Variants in AGBL4 observed in about 807,000 individuals in gnomAD.
The protein encoded by AGBL4 is AGBL carboxypeptidase 4.
In AGBL4, 58 loss-of-function variants were observed where a neutral mutation model predicts 66.4. That is an observed-to-expected ratio of 0.87 (90% CI 0.71 to 1.09). The LOEUF (loss-of-function observed/expected upper bound fraction) is 1.09, where lower values mean the gene tolerates loss of function less well. Ranked by LOEUF, AGBL4 falls within the 50% of genes least tolerant of loss-of-function variation. The pLI is 0.00. For synonymous variants in AGBL4, 234 were observed against 222.9 expected (o/e 1.05, Z -0.44); for missense variants, 579 against 631.0 (o/e 0.92, Z 0.88).
intron 4 of AGBL4, among the ~76,000 whole-genome samples, chr1:49,060,576 G>C (rs574351150): frequency 1.3e-5 from 2 of 152,098 alleles, no homozygotes; most frequent in Admixed American, 6.5e-5. Flanking sequence ...TTACTAAGAG[G>C]GGGTGGGGGA....
At chr1:49,168,550 G>A (rs1646675348) in intron 4 of AGBL4, among the ~76,000 whole-genome samples, 2 of 152,158 alleles carry the variant, frequency 1.3e-5, no homozygotes, top group Non-Finnish European at 2.9e-5. Context: ...CTTTATGGTG[G>A]GGGTCATGTT....
chr1:48,715,845 A>G (rs553153070), intron 6 of AGBL4, among the ~76,000 whole-genome samples: 1 of 152,350 alleles, frequency 6.6e-6, no homozygotes, highest in Admixed American at 6.5e-5. Flanking sequence ...TTTGGTTATT[A>G]AATTTAATCA....
chr1:49,637,884 T>C (rs1337309872), intron 3 of AGBL4, among the ~76,000 whole-genome samples: 1 of 151,992 alleles, frequency 6.6e-6, no homozygotes, highest in African/African-American at 2.4e-5. Flanking sequence ...CATAATGATA[T>C]AAATGGGCAT....
At chr1:49,935,382 T>C (rs1653868397) in intron 1 of AGBL4, among the ~76,000 whole-genome samples, 1 of 152,244 alleles carries the variant, frequency 6.6e-6, no homozygotes, top group South Asian at 2.1e-4. Flanking sequence ...TGCCTGCCTC[T>C]GTAGGCTCCA....
At chr1:49,951,682 T>TCA (rs1656167840) in intron 1 of AGBL4, among the ~76,000 whole-genome samples, 1 of 151,958 alleles carries the variant, frequency 6.6e-6, no homozygotes, top group African/African-American at 2.4e-5. Context: ...CAAATAAATA[T>TCA]CAATTTCTTT....
At chr1:49,881,415 C>G (rs1449319543) in intron 1 of AGBL4, among the ~76,000 whole-genome samples, 2 of 152,026 alleles carry the variant, frequency 1.3e-5, no homozygotes, top group Admixed American at 1.3e-4. Context: ...AATGGGATGG[C>G]TGGGTCAAAT....
At chr1:48,765,104 T>A (rs1644466222) in intron 6 of AGBL4, among the ~76,000 whole-genome samples, 1 of 151,386 alleles carries the variant, frequency 6.6e-6, no homozygotes, top group Non-Finnish European at 1.5e-5. Flanking sequence ...CAAAGATGCA[T>A]TACACATCTA....
chr1:49,518,337 ACT>A (rs1649996423), intron 3 of AGBL4, among the ~76,000 whole-genome samples: 1 of 151,944 alleles, frequency 6.6e-6, no homozygotes, highest in Admixed American at 6.6e-5. Flanking sequence ...AAGACCTGTG[ACT>A]CTATGACACC....
chr1:48,679,874 G>A (rs1017573477), intron 6 of AGBL4, among the ~76,000 whole-genome samples: 15 of 152,222 alleles, frequency 9.9e-5, no homozygotes, highest in Non-Finnish European at 1.8e-4. Context: ...GATCTCTGCG[G>A]CCAGAGGCCG....
chr1:49,496,591 T>C (rs1202655648), intron 3 of AGBL4, among the ~76,000 whole-genome samples: 1 of 151,104 alleles, frequency 6.6e-6, no homozygotes, highest in Admixed American at 6.6e-5. Context: ...TTGAATTTTT[T>C]TTAGATTCCA....
intron 1 of AGBL4, chr1:50,017,413 C>T (rs1181592815): frequency 2.6e-5 from 4 of 152,174 alleles, no homozygotes; most frequent in East Asian, 1.9e-4. Context: ...CATGAACATC[C>T]GCCTATCTAT....
At chr1:48,524,542 A>T in the AGBL4 span, among the ~76,000 whole-genome samples, 1 of 152,168 alleles carries the variant, frequency 6.6e-6, no homozygotes, top group Admixed American at 6.5e-5. Context: ...GCTGGGGCAG[A>T]GGGGTGATCC....
chr1:49,412,648 A>G (rs182477657), intron 3 of AGBL4, among the ~76,000 whole-genome samples: 1 of 152,216 alleles, frequency 6.6e-6, no homozygotes, highest in African/African-American at 2.4e-5. Flanking sequence ...TGTACTCTCC[A>G]CTGGCCAGAA....
intron 9 of AGBL4, among the ~76,000 whole-genome samples, chr1:48,599,160 T>C (rs1557818560): frequency 1.3e-5 from 2 of 152,220 alleles, no homozygotes; most frequent in Non-Finnish European, 2.9e-5. Context: ...TCTCCTATGA[T>C]AACAATCCCT....
chr1:49,813,825 G>T (rs1307051225), intron 2 of AGBL4, among the ~76,000 whole-genome samples: 3 of 152,172 alleles, frequency 2.0e-5, no homozygotes, highest in Admixed American at 6.5e-5. Flanking sequence ...GATATGGTTT[G>T]GCTGTGTCCC....
intron 6 of AGBL4, among the ~76,000 whole-genome samples, chr1:48,779,118 A>T (rs1645223805): frequency 6.6e-6 from 1 of 152,214 alleles, no homozygotes; most frequent in Non-Finnish European, 1.5e-5. Flanking sequence ...AAGACTTCTG[A>T]TAATTCACAA....
chr1:49,972,857 C>A (rs1330866281), intron 1 of AGBL4, among the ~76,000 whole-genome samples: 2 of 152,168 alleles, frequency 1.3e-5, no homozygotes, highest in Non-Finnish European at 2.9e-5. Flanking sequence ...ATATCCCCCA[C>A]AGATAAAGGG....
At chr1:49,871,312 G>C (rs970378816) in intron 1 of AGBL4, among the ~76,000 whole-genome samples, 4 of 151,962 alleles carry the variant, frequency 2.6e-5, no homozygotes, top group African/African-American at 9.7e-5. Context: ...TAAGATTTGA[G>C]AGACAGATTT....
chr1:49,126,051 A>T (rs1645757956), intron 4 of AGBL4, among the ~76,000 whole-genome samples: 1 of 152,192 alleles, frequency 6.6e-6, no homozygotes, highest in Non-Finnish European at 1.5e-5. Context: ...AGATCTGAAG[A>T]GACCCACCTA....
Sources: gnomAD v4.1 joint callset for allele counts (sites outside exome capture counted in the v4.1 genomes callset) on GRCh38, gnomAD v4.1.1 for gene constraint, MANE v1.5 for transcripts, NCBI Gene and HGNC (gene_info 2026-07-23, HGNC 2026-07-21) for gene names.